MAP3K15: variants seen among roughly 807,000 people sequenced by gnomAD.
MAP3K15 encodes mitogen-activated protein kinase kinase kinase 15, also known as MAPK/ERK kinase kinase 15.
In MAP3K15, 124 loss-of-function variants were observed where a neutral mutation model predicts 99.5. That is an observed-to-expected ratio of 1.25 (90% confidence interval 1.08 to 1.45). The LOEUF is 1.45. Ranked by LOEUF, MAP3K15 falls within the 40% of genes most tolerant of loss-of-function variation. MAP3K15 has a pLI of 0.00. For synonymous variants in MAP3K15, 494 were observed against 439.6 expected, an observed-to-expected ratio of 1.12 and a Z score of -1.55; for missense variants, 1,242 against 1,079.7, an observed-to-expected ratio of 1.15 and a Z score of -2.11.
At position 19,413,385 on chromosome X, in the gene MAP3K15, G is replaced by T. The variant is rs754487640; in HGVS notation, c.1670C>A (p.Ser557Tyr). ...INNEAEERTV[S>Y]LWHVSPTEMK... ...TTCTGTGGGTGAGACATGCCATAAA[G>T]AAACTGTTCTCTCCTCGGCTTCATT... is the stretch of plus-strand genomic sequence containing the variant. The change falls in exon 11 of 29, where the codon TCT (serine) becomes TAT (tyrosine). Residue 557 changes from serine to tyrosine, a missense_variant. By Grantham distance (144) the Ser-to-Tyr change is moderately radical. Coordinates refer to ENST00000338883, the MANE Select transcript of MAP3K15 (RefSeq NM_001001671.4). The T allele has an allele frequency of 3.7e-5, 45 of 1,203,493 alleles. No individual in the cohort carries two copies. The highest frequency in any genetic ancestry group is 5.0e-5 in the Non-Finnish European group (45 of 891,529).
At chrX:19,412,303 A>G (rs191335232) in intron 11 of MAP3K15, among the ~76,000 whole-genome samples, 53 of 112,308 alleles carry the variant, frequency 4.7e-4, no homozygotes, top group Non-Finnish European at 1.9e-5. Context: ...TTTGTTCAGG[A>G]GTGGGTAACT....
intron 6 of MAP3K15, among the ~76,000 whole-genome samples, chrX:19,453,235 T>A (rs995113913): frequency 1.5e-4 from 17 of 111,332 alleles, no homozygotes; most frequent in Admixed American, 1.1e-3. Context: ...GCACAGTGGC[T>A]CATGTCTGTA....
At position 19,387,534 on chromosome X, in the gene MAP3K15, G is replaced by A. The variant is rs191565610; in HGVS notation, c.2431+4468C>T. 2.3e-3 allele frequency among the ~76,000 whole-genome samples: 249 copies of A among 110,261 alleles called. 1 individual carries two copies. The highest frequency in any genetic ancestry group is 0.022 in the South Asian group (56 of 2,528). Reference sequence around the variant, plus strand: ...CCCGAGTAGCTGAGACTACAAGTGCGCACCACCACACCCAGCTGATTTTTA... The same window carrying A: ...CCCGAGTAGCTGAGACTACAAGTGCACACCACCACACCCAGCTGATTTTTA... On this transcript the variant is annotated intron_variant, in intron 18 of 28. Coordinates refer to ENST00000338883, the MANE Select transcript of MAP3K15 (RefSeq NM_001001671.4).
intron 5 of MAP3K15, among the ~76,000 whole-genome samples, chrX:19,458,551 G>A (rs975223946): frequency 9.0e-6 from 1 of 111,490 alleles, no homozygotes; most frequent in Admixed American, 9.5e-5. Flanking sequence ...AAGGTGGCAG[G>A]CACCTGTAAT....
At chrX:19,415,797 C>A (rs12013987) in intron 9 of MAP3K15, among the ~76,000 whole-genome samples, 4,352 of 111,600 alleles carry the variant, frequency 0.039, 215 homozygotes, top group African/African-American at 0.13. Context: ...TTATCATTTA[C>A]TACCCAACAT....
chrX:19,514,971 G>A lies in MAP3K15; in HGVS notation c.291C>T (p.His97=). 1 of 1,141,782 alleles carries A rather than the reference G, an allele frequency of 8.8e-7. No homozygotes were observed. Among genetic ancestry groups the A allele is most frequent in the South Asian group, 1.9e-5 (1 of 52,013 alleles). The allele number at this position is 1,141,782 out of a possible 1,213,427, so 94.1% of individuals were successfully genotyped here. A position where few individuals can be genotyped will look rare whatever the true frequency, so the allele number is the denominator to read the frequency against. ...GCTCCCCGAAGGGCACGGAGGTGAG[G>A]TGAGCGCCCTCGGCCTCGCAGGCCC... ...LLRACEAEGA[H]LTSVPFGELD... Residue 97 remains histidine, a synonymous_variant, in exon 1 of 29, where the codon CAC becomes CAT. Transcript: ENST00000338883.
chrX:19,471,248 G>A (rs1480156775), intron 3 of MAP3K15, among the ~76,000 whole-genome samples: 2 of 95,425 alleles, frequency 2.1e-5, no homozygotes, highest in Non-Finnish European at 4.2e-5. Flanking sequence ...AGAAATAATT[G>A]CTGAAAACTT....
intron 3 of MAP3K15, among the ~76,000 whole-genome samples, chrX:19,476,581 A>G (rs929739317): frequency 2.7e-5 from 3 of 112,263 alleles, no homozygotes; most frequent in African/African-American, 9.7e-5. Context: ...TACATTGTCC[A>G]GAAAAATGCA....
At chrX:19,500,997 C>G (rs954739159) in intron 1 of MAP3K15, among the ~76,000 whole-genome samples, 2 of 111,937 alleles carry the variant, frequency 1.8e-5, no homozygotes, top group Admixed American at 9.5e-5. Context: ...GCCCACATAA[C>G]TAACGTGAGG....
intron 3 of MAP3K15, among the ~76,000 whole-genome samples, chrX:19,481,113 C>T (rs770634890): frequency 0.017 from 225 of 13,337 alleles, 2 homozygotes; most frequent in Middle Eastern, 0.04. Context: ...GAGAACTTGT[C>T]TCAAAAAAAA....
At chrX:19,410,341 G>C (rs1401407553) in intron 11 of MAP3K15, among the ~76,000 whole-genome samples, 1 of 112,359 alleles carries the variant, frequency 8.9e-6, no homozygotes, top group Non-Finnish European at 1.9e-5. Context: ...CAAAAATGTT[G>C]GGAGAGGCAA....
intron 16 of MAP3K15, among the ~76,000 whole-genome samples, chrX:19,393,149 C>T (rs1195848254): frequency 9.0e-6 from 1 of 111,617 alleles, no homozygotes; most frequent in Non-Finnish European, 1.9e-5. Context: ...ATGTGAACTG[C>T]GGGATGTCCT....
intron 7 of MAP3K15, among the ~76,000 whole-genome samples, chrX:19,426,709 C>A (rs143211403): frequency 9.5e-6 from 1 of 104,773 alleles, no homozygotes; most frequent in Admixed American, 1.1e-4. Flanking sequence ...CCCAGCTACT[C>A]GGGAGGCTGA....
At chrX:19,493,291 G>A (rs1441121919) in intron 1 of MAP3K15, among the ~76,000 whole-genome samples, 1 of 101,418 alleles carries the variant, frequency 9.9e-6, no homozygotes, top group Non-Finnish European at 2.0e-5. Flanking sequence ...GCCTACCAAG[G>A]ATTGGGAGAG....
At chrX:19,419,219 C>A (rs903360405) in intron 9 of MAP3K15, among the ~76,000 whole-genome samples, 2 of 111,754 alleles carry the variant, frequency 1.8e-5, no homozygotes, top group Non-Finnish European at 3.8e-5. Context: ...GGGCTAAATG[C>A]CCCAATTAAA....
intron 3 of MAP3K15, among the ~76,000 whole-genome samples, chrX:19,478,300 T>G (rs73455662): frequency 0.069 from 6,977 of 100,644 alleles, 428 homozygotes; most frequent in African/African-American, 0.19. Flanking sequence ...GATGTAGCTT[T>G]CTTGTTTGAA....
chrX:19,423,083 G>A (rs926842936), intron 9 of MAP3K15, among the ~76,000 whole-genome samples: 5 of 110,074 alleles, frequency 4.5e-5, no homozygotes, highest in African/African-American at 1.7e-4. Context: ...GTTAAATGAT[G>A]AGTTAATGGG....
At position 19,372,879 on chromosome X, in the gene MAP3K15, G is replaced by T. The variant is rs137950552; in HGVS notation, c.2934-52C>A. The T allele has an allele frequency of 6.1e-6, 7 of 1,139,121 alleles. No individual in the cohort carries two copies. The African/African-American group carries it at 1.3e-4, about 21-fold the overall frequency. The allele number at this position is 1,139,121 out of a possible 1,213,427, so 93.9% of individuals were successfully genotyped here. ...CTGTGCGTGCCGGGGCACTGTCCCT[G>T]GGAGTGTGTCATGTTAGGACGCCCT... On this transcript the variant is annotated intron_variant, in intron 21 of 28. Coordinates refer to ENST00000338883, the MANE Select transcript of MAP3K15 (RefSeq NM_001001671.4).
chrX:19,497,286 C>G (rs1006618580), intron 1 of MAP3K15: 1 of 108,996 alleles, frequency 9.2e-6, no homozygotes, highest in East Asian at 2.9e-4. Flanking sequence ...CTCAGCCTCC[C>G]GAGCAGCTGG....
Sources: gnomAD v4.1 joint callset for allele counts (sites outside exome capture counted in the v4.1 genomes callset) on GRCh38, gnomAD v4.1.1 for gene constraint, MANE v1.5 for transcripts, NCBI Gene and HGNC (gene_info 2026-07-23, HGNC 2026-07-21) for gene names.